UGT2B17: variants seen among roughly 807,000 people sequenced by gnomAD.
UGT2B17 encodes UDP glucuronosyltransferase family 2 member B17, also known as UDP-glucuronosyltransferase 2B17.
In UGT2B17, 21 loss-of-function variants were observed where a neutral mutation model predicts 48.2. That is an observed-to-expected ratio of 0.44 (90% CI 0.31 to 0.63). The LOEUF is 0.63. Ranked by LOEUF, UGT2B17 falls within the 20% of genes least tolerant of loss-of-function variation. The pLI, the probability that UGT2B17 is intolerant of heterozygous loss-of-function variation, is 0.08. For synonymous variants in UGT2B17, 146 were observed against 238.4 expected (o/e 0.61, Z 3.57); for missense variants, 402 against 696.1 (o/e 0.58, Z 4.75).
At chr4:68,566,291 G>T (rs375877864) in intron 2 of UGT2B17, among the ~76,000 whole-genome samples, 1 of 122,770 alleles carries the variant, frequency 8.1e-6, no homozygotes, top group Non-Finnish European at 1.7e-5. Flanking sequence ...TGTTCAGAGA[G>T]CTGTAAGAAG....
In UGT2B17 at chr4:68,538,536, C is replaced by A. The variant is rs1188136139; in HGVS notation, c.1314-632G>T. Among the ~76,000 whole-genome samples the A allele has an allele frequency of 2.4e-5, 3 of 126,010 alleles. 1 individual carries two copies. The highest frequency in any genetic ancestry group is 8.1e-5 in the African/African-American group (3 of 36,872). 82.7% of individuals were successfully genotyped at this position (126,010 alleles called of 152,430 possible). On this transcript the variant is annotated intron_variant, in intron 6 of 6. Transcript: ENST00000317746. ...TACAGACATGAACCACTGTGCCCAG[C>A]CCATTTTGACATATTTAAAGAAGAA...
At chr4:68,540,571 C>T (rs533172460) in intron 6 of UGT2B17, among the ~76,000 whole-genome samples, 1 of 126,948 alleles carries the variant, frequency 7.9e-6, no homozygotes, top group South Asian at 3.6e-4. Context: ...GTGATCTGCC[C>T]TCCTCAGCCA....
In UGT2B17 at chr4:68,567,969, A is replaced by G. The variant is rs776623136; in HGVS notation, c.516T>C (p.Ser172=). 24 of 1,381,732 alleles carry G rather than the reference A, an allele frequency of 1.7e-5. 9 individuals are homozygous for G. The highest frequency in any genetic ancestry group is 2.0e-5 in the Admixed American group (1 of 50,196). 85.6% of individuals were successfully genotyped at this position (1,381,732 alleles called of 1,614,324 possible). ...AELLNIPFLY[S]LRFSVGYTVE... ...CTGTGTAGCCAACAGAGAAGCGGAGACTGTACAGAAAGGGTATGTTAAGTA... is the reference window on the plus strand; with the variant it reads ...CTGTGTAGCCAACAGAGAAGCGGAGGCTGTACAGAAAGGGTATGTTAAGTA... Residue 172 remains serine (S), a synonymous_variant, in exon 2 of 7, where the codon AGT becomes AGC. Coordinates refer to ENST00000317746, the MANE Select transcript of UGT2B17 (RefSeq NM_001077.4).
In UGT2B17 at chr4:68,550,880, T is replaced by C. The variant is rs1375289219; in HGVS notation, c.1110A>G (p.Lys370=). 4 of 1,374,782 alleles carry C rather than the reference T, an allele frequency of 2.9e-6. 1 individual carries two copies. In the Admixed American group the frequency reaches 6.2e-5, roughly 21 times the overall value. 85.2% of individuals were successfully genotyped at this position (1,374,782 alleles called of 1,614,324 possible). ...TGGTTCCACCATGAGTTATAAAAGCTTTGGTTTTGGGATGACCTAAAAGTG... is the reference window on the plus strand; with the variant it reads ...TGGTTCCACCATGAGTTATAAAAGCCTTGGTTTTGGGATGACCTAAAAGTG... ...QNDLLGHPKT[K]AFITHGGTNG... is the part of the protein sequence containing the mutation. Residue 370 remains lysine (K), a synonymous_variant, in exon 6 of 7, where the codon AAA becomes AAG. Transcript: ENST00000317746.
intron 3 of UGT2B17, among the ~76,000 whole-genome samples, chr4:68,564,520 C>A (rs1731163699): frequency 8.2e-6 from 1 of 122,430 alleles, no homozygotes. Flanking sequence ...AACTCCTGAC[C>A]TCAGGCGATC....
At chr4:68,569,890 C>T in intron 1 of UGT2B17, among the ~76,000 whole-genome samples, 1 of 126,676 alleles carries the variant, frequency 7.9e-6, no homozygotes, top group Non-Finnish European at 1.7e-5. Flanking sequence ...CTCCGCACTG[C>T]CTCGTGTTGT....
Position 68,554,917 on chromosome 4 carries a change from T to C in UGT2B17, c.1006-3006A>G, listed in dbSNP as rs1314472232. ...TAAGATGTACTTCTGTTGGCATGCT[T>C]ACTACATCTATGTATTTATGTGTTT... On this transcript the variant is annotated intron_variant, in intron 4 of 6. Coordinates refer to ENST00000317746, the MANE Select transcript of UGT2B17 (RefSeq NM_001077.4). Among the ~76,000 whole-genome samples the C allele has an allele frequency of 2.4e-5, 3 of 125,532 alleles. 1 individual carries two copies. Among genetic ancestry groups the C allele is most frequent in the Non-Finnish European group, 5.1e-5 (3 of 59,370 alleles). The allele number at this position is 125,532 out of a possible 152,430, so 82.4% of individuals were successfully genotyped here. A position where few individuals can be genotyped will look rare whatever the true frequency, so the allele number is the denominator to read the frequency against.
Position 68,562,597 on chromosome 4 carries a change from T to C in UGT2B17, c.874-1929A>G, listed in dbSNP as rs755881093. ...AAGTATTGAAGTAAAAAATCGTCTG[T>C]TTATAGACAGATCAGCACTGATCTC... On this transcript the variant is annotated intron_variant, in intron 3 of 6. Coordinates refer to ENST00000317746, the MANE Select transcript of UGT2B17 (RefSeq NM_001077.4). Among the ~76,000 whole-genome samples the C allele has an allele frequency of 7.1e-5, 9 of 126,098 alleles. 3 individuals carry two copies. The highest frequency in any genetic ancestry group is 1.5e-4 in the Non-Finnish European group (9 of 59,680). 82.7% of individuals were successfully genotyped at this position (126,098 alleles called of 152,430 possible).
intron 4 of UGT2B17, among the ~76,000 whole-genome samples, chr4:68,557,808 CAAACTT>C (rs1407903965): frequency 8.0e-6 from 1 of 125,262 alleles, no homozygotes; most frequent in Non-Finnish European, 1.7e-5. Context: ...TTTAGGGAAT[CAAACTT>C]AACTTATGGA....
chr4:68,569,382 G>C (rs1731264043), intron 1 of UGT2B17, among the ~76,000 whole-genome samples: 1 of 124,232 alleles, frequency 8.0e-6, no homozygotes, highest in South Asian at 3.7e-4. Context: ...AGAAGTTCCT[G>C]ACTTTATGTG....
chr4:68,550,678 T>C lies in UGT2B17; in HGVS notation c.1312A>G (p.Ile438Val), dbSNP rs201282859. 8.1e-5 allele frequency: 112 copies of C among 1,374,796 alleles called. 34 individuals carry two copies. The highest frequency in any genetic ancestry group is 6.0e-4 in the Admixed American group (30 of 50,020). The allele number at this position is 1,374,796 out of a possible 1,614,324, so 85.2% of individuals were successfully genotyped here. Residue 438 changes from isoleucine to valine, a missense_variant and splice_region_variant, in exon 6 of 7, where the codon ATC becomes GTC. Physicochemically the swap from Ile to Val is conservative, Grantham distance 29 (BLOSUM62 3). Around this residue, in one of 5 missense-constraint regions of UGT2B17, gnomAD observed 156 missense variants for 258.6 expected, o/e 0.60. Coordinates refer to ENST00000317746, the MANE Select transcript of UGT2B17 (RefSeq NM_001077.4). ...NALKSVINDP[I>V]YKENIMKLSR... Reference sequence around the variant, plus strand: ...TGGTCACAAAATTGTAATACTCACATAGGGTCATTAATGACTGACTTCAAT... The same window carrying C: ...TGGTCACAAAATTGTAATACTCACACAGGGTCATTAATGACTGACTTCAAT...
chr4:68,544,914 A>G (rs1255881852), intron 6 of UGT2B17, among the ~76,000 whole-genome samples: 1 of 126,626 alleles, frequency 7.9e-6, no homozygotes, highest in Non-Finnish European at 1.7e-5. Context: ...ACATGCACCC[A>G]GATTCATAAA....
chr4:68,540,814 G>T (rs190874575), intron 6 of UGT2B17, among the ~76,000 whole-genome samples: 4 of 124,060 alleles, frequency 3.2e-5, no homozygotes, highest in Non-Finnish European at 6.8e-5. Context: ...TGCCCCGAAT[G>T]GCCCCGGTGT....
intron 1 of UGT2B17, 101 bp from the exon 2 acceptor site, chr4:68,568,649 C>T (rs1379437861): frequency 7.2e-6 from 5 of 693,042 alleles, no homozygotes; most frequent in Non-Finnish European, 9.6e-6. Context: ...TACAATTACT[C>T]TAGTCAAGCA....
rs1730930414 is a variant in UGT2B17 at position 68,552,263 on chromosome 4, C to A, written c.1006-352G>T. ...CTTCCCATTCTATTCAAAGTCAGCC[C>A]TTGGCTCACTGAGATAAATGCATAT... On this transcript the variant is annotated intron_variant, in intron 4 of 6. Transcript: ENST00000317746. 3.2e-5 allele frequency among the ~76,000 whole-genome samples: 4 copies of A among 126,110 alleles called. 1 individual carries two copies. The highest frequency in any genetic ancestry group is 1.1e-4 in the African/African-American group (4 of 36,966). The allele number at this position is 126,110 out of a possible 152,430, so 82.7% of individuals were successfully genotyped here. A position where few individuals can be genotyped will look rare whatever the true frequency, so the allele number is the denominator to read the frequency against.
chr4:68,544,738 G>T (rs1730759471), intron 6 of UGT2B17, among the ~76,000 whole-genome samples: 1 of 125,154 alleles, frequency 8.0e-6, no homozygotes. Context: ...CAAAATAAAG[G>T]GATGGAGGAA....
chr4:68,565,856 A>AAT lies in UGT2B17; in HGVS notation c.725-138_725-137dup, dbSNP rs1165887394. 9.5e-6 allele frequency: 5 copies of AAT among 524,454 alleles called. 1 individual carries two copies. In the Admixed American group the frequency reaches 1.8e-4, roughly 19 times the overall value. 32.5% of individuals were successfully genotyped at this position (524,454 alleles called of 1,614,324 possible). Reference sequence around the variant, plus strand: ...ATATATAAAATGTCTGCACATTGATAATATATATAAATACATTTATATAAT... The same window carrying AAT: ...ATATATAAAATGTCTGCACATTGATAATATATATATAAATACATTTATATAAT... On this transcript the variant is annotated intron_variant, in intron 2 of 6. Transcript: ENST00000317746.
chr4:68,569,024 A>G (rs1731258113), intron 1 of UGT2B17, among the ~76,000 whole-genome samples: 1 of 135,818 alleles, frequency 7.4e-6, no homozygotes, highest in Admixed American at 7.4e-5. Flanking sequence ...ACCCTAGGCA[A>G]CCACTAATCT....
intron 3 of UGT2B17, among the ~76,000 whole-genome samples, chr4:68,563,740 A>G (rs1259582672): frequency 7.9e-6 from 1 of 125,872 alleles, no homozygotes; most frequent in Non-Finnish European, 1.7e-5. Context: ...TTTTAAGCTA[A>G]AATATTAATG....
Sources: allele counts gnomAD v4.1 joint callset (sites outside exome capture counted in the v4.1 genomes callset), GRCh38; gene constraint gnomAD v4.1.1; regional missense constraint gnomAD v4.1.1; transcripts MANE v1.5; gene names NCBI Gene and HGNC (gene_info 2026-07-23, HGNC 2026-07-21).